ABCC1: variants seen among roughly 807,000 people sequenced by gnomAD.
The protein encoded by ABCC1 is ATP binding cassette subfamily C member 1 (ABCC1 blood group).
In ABCC1, 83 loss-of-function variants were observed where a neutral mutation model predicts 172.9. The observed-to-expected ratio is 0.48, with a 90% CI of 0.40 to 0.58. The LOEUF (loss-of-function observed/expected upper bound fraction) is 0.58. Among genes scored for constraint, ABCC1 ranks in the 20% least tolerant of loss-of-function variants. The pLI, the probability that ABCC1 is intolerant of heterozygous loss-of-function variation, is 0.00. For missense variants in ABCC1, 1,817 were observed against 2,002.7 expected, an observed-to-expected ratio of 0.91 and a Z score of 1.77; for synonymous variants, 937 against 825.2, an observed-to-expected ratio of 1.14 and a Z score of -2.32.
At position 16,061,673 on chromosome 16, in the gene ABCC1, G is replaced by A. The variant is rs372482658; in HGVS notation, c.1677+5378G>A. Among the ~76,000 whole-genome samples, 45 of 151,886 alleles carry A rather than the reference G, an allele frequency of 3.0e-4. 1 individual carries two copies. The highest frequency in any genetic ancestry group is 1.2e-3 in the Admixed American group (18 of 15,262). On this transcript the variant is annotated intron_variant, in intron 12 of 30. Transcript: ENST00000399410. ...GTAATGGTGGATACATGTCATACATGTAGTTATGGTTACTTGATTCTGTTT... is the reference window on the plus strand; with the variant it reads ...GTAATGGTGGATACATGTCATACATATAGTTATGGTTACTTGATTCTGTTT...
intron 7 of ABCC1, among the ~76,000 whole-genome samples, chr16:16,042,538 A>G (rs2049016871): frequency 1.3e-5 from 2 of 151,956 alleles, no homozygotes; most frequent in South Asian, 2.1e-4. Flanking sequence ...CCCTGTCTCT[A>G]CTAAAAACAT....
At chr16:16,096,862 G>A (rs2051503127) in intron 19 of ABCC1, among the ~76,000 whole-genome samples, 2 of 151,976 alleles carry the variant, frequency 1.3e-5, no homozygotes, top group South Asian at 4.2e-4. Flanking sequence ...CCAACACCTG[G>A]TGGTTGCATG....
intron 16 of ABCC1, among the ~76,000 whole-genome samples, chr16:16,081,311 C>T (rs1192924849): frequency 2.0e-5 from 3 of 152,126 alleles, no homozygotes; most frequent in Non-Finnish European, 4.4e-5. Context: ...CTTTCAAGTT[C>T]CTGCCATAAA....
intron 5 of ABCC1, among the ~76,000 whole-genome samples, chr16:16,030,996 C>G (rs957574289): frequency 2.0e-5 from 3 of 152,030 alleles, no homozygotes; most frequent in African/African-American, 7.2e-5. Flanking sequence ...TGCAGGCACC[C>G]ACCACCACAT....
intron 1 of ABCC1, among the ~76,000 whole-genome samples, chr16:15,970,892 G>A (rs1275904319): frequency 6.6e-6 from 1 of 152,158 alleles, no homozygotes; most frequent in Admixed American, 6.5e-5. Context: ...ATTATACCTG[G>A]CCTTCAACTC....
chr16:15,968,286 G>A (rs1393555537), intron 1 of ABCC1, among the ~76,000 whole-genome samples: 2 of 151,772 alleles, frequency 1.3e-5, no homozygotes, highest in African/African-American at 4.8e-5. Context: ...CGCCTACCTC[G>A]GCCTCCCAAA....
intron 1 of ABCC1, among the ~76,000 whole-genome samples, chr16:15,956,930 A>G (rs548723851): frequency 6.6e-6 from 1 of 152,236 alleles, no homozygotes; most frequent in African/African-American, 2.4e-5. Context: ...CTGTTTGTTG[A>G]ATAAATGAAT....
At chr16:16,036,401 A>T in intron 6 of ABCC1, 71 bp from the exon 7 acceptor site, 1 of 1,455,082 alleles carries the variant, frequency 6.9e-7, no homozygotes, top group Non-Finnish European at 9.4e-7. Flanking sequence ...GTGTGGAGTG[A>T]GTGAGCCCCG....
chr16:15,949,590 C>G (rs2045809043), upstream of ABCC1: 1 of 218,198 alleles, frequency 4.6e-6, no homozygotes, highest in African/African-American at 2.5e-5. Flanking sequence ...GGCGGCGTTG[C>G]GGCCCCGGCC....
At chr16:16,063,448 A>G (rs1313298539) in intron 12 of ABCC1, among the ~76,000 whole-genome samples, 1 of 152,126 alleles carries the variant, frequency 6.6e-6, no homozygotes, top group Non-Finnish European at 1.5e-5. Flanking sequence ...AAGCATAGGG[A>G]CCTTGGCAAA....
At chr16:16,138,046 G>A (rs1386674285) in intron 29 of ABCC1, among the ~76,000 whole-genome samples, 1 of 151,684 alleles carries the variant, frequency 6.6e-6, no homozygotes. Flanking sequence ...TGGAGAGATG[G>A]GGGTCTTGCT....
At chr16:16,009,745 G>A (rs1230727965) in intron 2 of ABCC1, 31 bp from the exon 3 acceptor site, 1 of 1,586,550 alleles carries the variant, frequency 6.3e-7, no homozygotes, top group Non-Finnish European at 8.6e-7. Context: ...AGGGCGGTCT[G>A]TTGTAGGATA....
chr16:15,977,536 T>C (rs1288675049), intron 1 of ABCC1, among the ~76,000 whole-genome samples: 1 of 151,818 alleles, frequency 6.6e-6, no homozygotes, highest in Non-Finnish European at 1.5e-5. Flanking sequence ...GTGGCCAGCT[T>C]ATACCCCCTA....
At chr16:16,114,170 G>A (rs1429139893) in intron 22 of ABCC1, among the ~76,000 whole-genome samples, 1 of 152,142 alleles carries the variant, frequency 6.6e-6, no homozygotes, top group East Asian at 1.9e-4. Context: ...TATACTAAGG[G>A]CAAAGGCGTT....
intron 1 of ABCC1, among the ~76,000 whole-genome samples, chr16:15,956,277 A>C (rs1396243172): frequency 6.6e-6 from 1 of 151,684 alleles, no homozygotes; most frequent in African/African-American, 2.4e-5. Flanking sequence ...AGGCATGAGC[A>C]TTGCTTGAAC....
intron 14 of ABCC1, among the ~76,000 whole-genome samples, chr16:16,074,612 T>C (rs977546249): frequency 1.2e-4 from 18 of 152,164 alleles, no homozygotes; most frequent in African/African-American, 4.3e-4. Flanking sequence ...CTGGAATGTT[T>C]AGCACGCTCT....
intron 20 of ABCC1, among the ~76,000 whole-genome samples, chr16:16,104,702 G>A (rs1040136249): frequency 2.0e-5 from 3 of 152,206 alleles, no homozygotes; most frequent in African/African-American, 7.2e-5. Flanking sequence ...GAAGGGACTG[G>A]GCGCCATGGA....
At chr16:16,107,890 C>CAA (rs34292394) in intron 21 of ABCC1, among the ~76,000 whole-genome samples, 9 of 141,432 alleles carry the variant, frequency 6.4e-5, no homozygotes, top group African/African-American at 7.8e-5. Context: ...TAAAGAAAAA[C>CAA]AAAAAAAAAA....
intron 1 of ABCC1, among the ~76,000 whole-genome samples, chr16:15,987,688 T>C (rs1437786257): frequency 6.6e-6 from 1 of 152,190 alleles, no homozygotes; most frequent in Non-Finnish European, 1.5e-5. Context: ...GCACATCAAC[T>C]CCATGCTCCT....
Sources: gnomAD v4.1 joint callset for allele counts (sites outside exome capture counted in the v4.1 genomes callset) on GRCh38, gnomAD v4.1.1 for gene constraint, MANE v1.5 for transcripts, NCBI Gene and HGNC (gene_info 2026-07-23, HGNC 2026-07-21) for gene names.